PCDHGA5: variants seen among roughly 807,000 people sequenced by gnomAD.
PCDHGA5 encodes the protein protocadherin gamma-A5.
A neutral mutation model predicts 56.7 loss-of-function variants in PCDHGA5; 36 were observed. That is an observed-to-expected ratio of 0.64 (90% CI 0.49 to 0.84). The LOEUF (loss-of-function observed/expected upper bound fraction) is 0.84. Among genes scored for constraint, PCDHGA5 ranks in the 40% least tolerant of loss-of-function variants. The probability of loss-of-function intolerance (pLI) is 0.00; values close to 1 mark genes in which losing one functional copy is unlikely to be tolerated. For missense variants in PCDHGA5, 1,305 were observed against 1,201.5 expected, an observed-to-expected ratio of 1.09 and a Z score of -1.27; for synonymous variants, 563 against 520.2, an observed-to-expected ratio of 1.08 and a Z score of -1.12.
chr5:141,500,084 C>T (rs1354544132), intron 2 of PCDHGA5, among the ~76,000 whole-genome samples: 1 of 152,030 alleles, frequency 6.6e-6, no homozygotes, highest in Non-Finnish European at 1.5e-5. Flanking sequence ...CCTCCATCTT[C>T]CATTTTTGCA....
Position 141,491,382 on chromosome 5 carries a change from G to T in PCDHGA5, c.2422-3425G>T, listed in dbSNP as rs918558. 0.21 allele frequency: 331,798 copies of T among 1,613,774 alleles called. 36,318 individuals are homozygous for T. The highest frequency in any genetic ancestry group is 0.37 in the Admixed American group (22,359 of 60,012). ...TAGTCACCTTCACCTTTCTGTCAGC[G>T]AAGTGCCTTCAGGGAAACGCAGACG... is the stretch of plus-strand genomic sequence containing the variant. On this transcript the variant is annotated intron_variant, in intron 1 of 3. Transcript: ENST00000518069. This position sits in a 1 kb window ranked among gnomAD's most constrained non-coding sequence, Gnocchi z 6.9.
chr5:141,424,052 G>A, intron 1 of PCDHGA5: 1 of 1,012,010 alleles, frequency 9.9e-7, no homozygotes, highest in South Asian at 4.7e-5. Flanking sequence ...CAATTTTGCT[G>A]TGCCTTCACT....
At chr5:141,446,143 T>G (rs2098490523) in intron 1 of PCDHGA5, among the ~76,000 whole-genome samples, 1 of 152,204 alleles carries the variant, frequency 6.6e-6, no homozygotes, top group Admixed American at 6.5e-5. Flanking sequence ...AATAATGGAA[T>G]AGGTGGAATA....
At chr5:141,389,969 C>CTTGA (rs746625491) in intron 1 of PCDHGA5, 8 of 1,613,924 alleles carry the variant, frequency 5.0e-6, no homozygotes, top group Non-Finnish European at 6.8e-6. Flanking sequence ...TGGCCTTGGC[C>CTTGA]TTGATCTCAG....
intron 1 of PCDHGA5, chr5:141,421,256 G>A (rs1205670837): frequency 1.2e-6 from 2 of 1,607,696 alleles, no homozygotes; most frequent in African/African-American, 1.3e-5. Flanking sequence ...CGCGGGGACC[G>A]CAGTCGGCTG....
chr5:141,471,338 A>G (rs1562030662), intron 1 of PCDHGA5: 1 of 152,234 alleles, frequency 6.6e-6, no homozygotes, highest in Non-Finnish European at 1.5e-5. Context: ...GGTATGATCC[A>G]CTGCGCCCGG....
At chr5:141,499,966 G>A (rs1403177792) in intron 2 of PCDHGA5, among the ~76,000 whole-genome samples, 1 of 151,988 alleles carries the variant, frequency 6.6e-6, no homozygotes, top group African/African-American at 2.4e-5. Flanking sequence ...GGGATTACAG[G>A]TGTGAGCCAC....
intron 1 of PCDHGA5, chr5:141,404,247 T>C: frequency 6.2e-7 from 1 of 1,613,870 alleles, no homozygotes; most frequent in Non-Finnish European, 8.5e-7. Flanking sequence ...ACTCCGCCCC[T>C]GTCCACAGAA....
chr5:141,364,415 G>C lies in PCDHGA5; in HGVS notation c.85G>C (p.Gly29Arg). The change falls in exon 1 of 4, where the codon GGG becomes CGG. Residue 29 changes from glycine (G) to arginine (R), a missense_variant. Transcript: ENST00000518069. ...GGGGACGCTGTGCGAGCCAGGATCC[G>C]GGCAGATCCGCTACTCGATGCCGGA... ...LLGTLCEPGSGQIRYSMPEEL... is the reference protein window; with the variant it reads ...LLGTLCEPGSRQIRYSMPEEL... 6.2e-7 allele frequency: 1 copy of C among 1,613,082 alleles called. No individual in the cohort carries two copies. Among genetic ancestry groups the C allele is most frequent in the South Asian group, 1.1e-5 (1 of 90,956 alleles).
At chr5:141,409,325 G>A (rs2095255437) in intron 1 of PCDHGA5, 1 of 1,613,984 alleles carries the variant, frequency 6.2e-7, no homozygotes, top group Non-Finnish European at 8.5e-7. Context: ...ACGGGATCTG[G>A]ATTTCGGAGG....
rs770596172 is a variant in PCDHGA5, at chr5:141,487,664, G to A, written c.2422-7143G>A. ...AATGCTTGAGGGTTATTCTGATCCA[G>A]GCATATGGCTAGGCCATGTCCTAGA... On this transcript the variant is annotated intron_variant, in intron 1 of 3. Transcript: ENST00000518069. The surrounding 1 kb of genome is among the most constrained non-coding windows in gnomAD (Gnocchi z 5.0). 1.9e-5 allele frequency: 31 copies of A among 1,613,048 alleles called. No individual in the cohort carries two copies. The South Asian group carries it at 3.4e-4, about 18-fold the overall frequency.
chr5:141,400,233 C>T lies in PCDHGA5; in HGVS notation c.2421+33482C>T, dbSNP rs373858401. ...TGATCTCAGTGCTCTTCCTCCTGGCCGTGATTCTGGCCGTTGCCTTGCGCC... is the reference window on the plus strand; with the variant it reads ...TGATCTCAGTGCTCTTCCTCCTGGCTGTGATTCTGGCCGTTGCCTTGCGCC... On this transcript the variant is annotated intron_variant, in intron 1 of 3. Coordinates refer to ENST00000518069, the MANE Select transcript of PCDHGA5 (RefSeq NM_018918.3). 100 of 1,613,988 alleles carry T rather than the reference C, an allele frequency of 6.2e-5. 1 individual carries two copies. The African/African-American group carries it at 1.1e-3, about 18-fold the overall frequency.
intron 1 of PCDHGA5, chr5:141,389,349 A>C: frequency 5.6e-6 from 9 of 1,613,980 alleles, no homozygotes; most frequent in Non-Finnish European, 7.6e-6. Flanking sequence ...CTCTTACTGC[A>C]TCATGGCCAG....
intron 1 of PCDHGA5, chr5:141,430,944 G>T: frequency 1.2e-6 from 2 of 1,609,214 alleles, no homozygotes; most frequent in Non-Finnish European, 1.7e-6. Flanking sequence ...CTCGCGGAGC[G>T]CGGAGTCCGC....
chr5:141,409,047 G>A, intron 1 of PCDHGA5: 1 of 1,613,982 alleles, frequency 6.2e-7, no homozygotes, highest in Non-Finnish European at 8.5e-7. Context: ...TACTACTTCC[G>A]AAGCACTGCC....
chr5:141,383,987 G>A (rs773186043), intron 1 of PCDHGA5: 70 of 1,613,612 alleles, frequency 4.3e-5, no homozygotes, highest in Admixed American at 3.3e-5. Context: ...ACACCTCTTG[G>A]GACAGTCATT....
intron 1 of PCDHGA5, chr5:141,413,070 T>C: frequency 8.4e-7 from 1 of 1,195,132 alleles, no homozygotes; most frequent in African/African-American, 1.5e-5. Context: ...GAATTTAAAG[T>C]GCCCAGGCTA....
At chr5:141,371,681 T>A (rs529874051) in intron 1 of PCDHGA5, 27 of 1,613,832 alleles carry the variant, frequency 1.7e-5, no homozygotes, top group Non-Finnish European at 2.0e-5. Flanking sequence ...ACAAAGGCAA[T>A]CCACCGCTCT....
rs186109113 is a variant in PCDHGA5, at chr5:141,415,284, G to C, written c.2421+48533G>C. ...TGTACCTGGTGGTAGCGGTGGCCGCGGTCTCCTGCGTCTTCCTGGCCTTCG... is the reference window on the plus strand; with the variant it reads ...TGTACCTGGTGGTAGCGGTGGCCGCCGTCTCCTGCGTCTTCCTGGCCTTCG... On this transcript the variant is annotated intron_variant, in intron 1 of 3. Transcript: ENST00000518069. 4,314 of 1,614,198 alleles carry C rather than the reference G, an allele frequency of 2.7e-3. 11 individuals are homozygous for C. The highest frequency in any genetic ancestry group is 7.3e-3 in the Middle Eastern group (44 of 6,062).
Sources: gnomAD v4.1 joint callset for allele counts (sites outside exome capture counted in the v4.1 genomes callset) on GRCh38, gnomAD v4.1.1 for gene constraint, Gnocchi (gnomAD v3.1) non-coding constraint, MANE v1.5 for transcripts, NCBI Gene and HGNC (gene_info 2026-07-23, HGNC 2026-07-21) for gene names.